The following KAT2A variants were observed in gnomAD, a reference collection of about 807,000 sequenced individuals.
The protein encoded by KAT2A is lysine acetyltransferase 2A, also known as histone acetyltransferase KAT2A.
KAT2A carries 42 observed loss-of-function variants against 95.2 expected under a neutral mutation model. The observed-to-expected ratio is 0.44, with a 90% CI of 0.34 to 0.57. The LOEUF is 0.57. Ranked by LOEUF, KAT2A falls within the 20% of genes least tolerant of loss-of-function variation. The pLI is 0.01. For missense variants in KAT2A, 784 were observed against 1,126.3 expected (o/e 0.70, Z 4.35); for synonymous variants, 449 against 448.2 (o/e 1.00, Z -0.02).
intron 6 of KAT2A, among the ~76,000 whole-genome samples, chr17:42,118,859 G>C (rs2054297647): frequency 1.3e-5 from 2 of 152,194 alleles, no homozygotes; most frequent in Non-Finnish European, 2.9e-5. Context: ...AGGTGTGGCC[G>C]AACAGAAGAA....
Position 42,114,505 on chromosome 17 carries a change from T to C in KAT2A, c.2119A>G (p.Ser707Gly). ...CCCTGCTTACGAATGCCAGGAACGCTCTCCACAGGGATCTGCCTCACGCCC... is the reference window on the plus strand; with the variant it reads ...CCCTGCTTACGAATGCCAGGAACGCCCTCCACAGGGATCTGCCTCACGCCC... ...KEGVRQIPVE[S>G]VPGIRETGWK... The change falls in exon 14 of 18, where the codon AGC (serine) becomes GGC (glycine). Residue 707 changes from serine to glycine, a missense_variant. Ser to Gly is a moderately conservative substitution (Grantham distance 56, BLOSUM62 0). Around this residue, in one of 6 missense-constraint regions of KAT2A, gnomAD observed 195 missense variants for 247.1 expected, o/e 0.79. Coordinates refer to ENST00000225916, the MANE Select transcript of KAT2A (RefSeq NM_021078.3). The surrounding 1 kb of genome is among the most constrained non-coding windows in gnomAD (Gnocchi z 6.0). 2 of 1,613,946 alleles carry C rather than the reference T, an allele frequency of 1.2e-6. No individual in the cohort carries two copies. The highest frequency in any genetic ancestry group is 1.7e-6 in the Non-Finnish European group (2 of 1,179,920).
intron 6 of KAT2A, among the ~76,000 whole-genome samples, chr17:42,118,819 G>T (rs2054297166): frequency 1.3e-5 from 2 of 152,212 alleles, no homozygotes; most frequent in African/African-American, 4.8e-5. Context: ...AGGGTTTTTT[G>T]AACAGGGGAG....
rs782599836 is a variant in KAT2A at position 42,120,963 on chromosome 17, C to A, written c.339+3G>T. 1 of 1,574,346 alleles carries A rather than the reference C, an allele frequency of 6.4e-7. No individual in the cohort carries two copies. Among genetic ancestry groups the A allele is most frequent in the Admixed American group, 1.8e-5 (1 of 55,160 alleles). ...GCCCCTTCACCCCAGGCCCCGCCCC[C>A]ACCTTGCAAGCCGAGAAGACCCCTA... On this transcript the variant is annotated splice_donor_region_variant and intron_variant, in intron 1 of 17. Transcript: ENST00000225916.
intron 7 of KAT2A, 64 bp from the exon 8 acceptor site, chr17:42,118,081 G>A: frequency 1.8e-6 from 2 of 1,115,402 alleles, no homozygotes; most frequent in Middle Eastern, 2.1e-4. Context: ...AGAGAAGTCA[G>A]GGACGGGGGC....
intron 11 of KAT2A, among the ~76,000 whole-genome samples, chr17:42,116,328 T>C: frequency 6.6e-6 from 1 of 152,158 alleles, no homozygotes; most frequent in East Asian, 1.9e-4. Context: ...ACCACACAGA[T>C]CTGAGGTATG....
In KAT2A at chr17:42,121,329, C is replaced by T. The variant is rs1555667390; in HGVS notation, c.-25G>A. The T allele has an allele frequency of 2.2e-6, 3 of 1,363,880 alleles. No individual in the cohort carries two copies. The highest frequency in any genetic ancestry group is 2.8e-6 in the Non-Finnish European group (3 of 1,065,798). The allele number at this position is 1,363,880 out of a possible 1,614,324, so 84.5% of individuals were successfully genotyped here. A position where few individuals can be genotyped will look rare whatever the true frequency, so the allele number is the denominator to read the frequency against. On this transcript the variant is annotated 5_prime_UTR_variant, in exon 1 of 18. Coordinates refer to ENST00000225916, the MANE Select transcript of KAT2A (RefSeq NM_021078.3). ...TGGCCTCCCCCGCAGCGGAGAGCGG[C>T]GCCGCGCTCCCAGCCCTAGGGCCGC...
Position 42,119,697 on chromosome 17 carries a change from A to G in KAT2A, c.721T>C (p.Tyr241His), listed in dbSNP as rs1276834682. Residue 241 changes from tyrosine to histidine, a missense_variant, in exon 5 of 18, where the codon TAC becomes CAC. Coordinates refer to ENST00000225916, the MANE Select transcript of KAT2A (RefSeq NM_021078.3). The surrounding 1 kb of genome is among the most constrained non-coding windows in gnomAD (Gnocchi z 5.3). ...IEQGVLNFVQYKFSHLAPRER... is the reference protein window; with the variant it reads ...IEQGVLNFVQHKFSHLAPRER... ...CGGGGAGCCAGGTGACTAAACTTGT[A>G]CTGCACAAAGTTCAGCACACCCTGA... 1 of 1,610,052 alleles carries G rather than the reference A, an allele frequency of 6.2e-7. No homozygotes were observed.
rs782029955 is a variant in KAT2A at position 42,118,061 on chromosome 17, GGAGA to G, written c.1181-48_1181-45del. ...GTCAGGGATGGGGGGCTGAAGCTGA[GGAGA>G]GAGAGAGAGAAGTCAGGGACGGGGG... On this transcript the variant is annotated intron_variant, in intron 7 of 17. Transcript: ENST00000225916. 3.6e-5 allele frequency: 48 copies of G among 1,342,012 alleles called. No homozygotes were observed. In the African/African-American group the frequency reaches 5.2e-4, roughly 15 times the overall value. The allele number at this position is 1,342,012 out of a possible 1,614,324, so 83.1% of individuals were successfully genotyped here.
chr17:42,120,514 C>G, intron 2 of KAT2A, 144 bp from the exon 3 acceptor site: 2 of 1,234,548 alleles, frequency 1.6e-6, no homozygotes, highest in Non-Finnish European at 2.3e-6. Flanking sequence ...CGATATCAAC[C>G]GTTGGGTTGC....
In KAT2A at chr17:42,115,837, C is replaced by G; in HGVS notation, c.1765-4G>C. ...TCATCAGGTGGGTCCCATAACCCTG[C>G]GGGGGAGGGAAGCAGGACTCACCAG... On this transcript the variant is annotated splice_polypyrimidine_tract_variant and splice_region_variant and intron_variant, in intron 11 of 17. Transcript: ENST00000225916. 6.4e-7 allele frequency: 1 copy of G among 1,571,890 alleles called. No individual in the cohort carries two copies. The highest frequency in any genetic ancestry group is 8.8e-7 in the Non-Finnish European group (1 of 1,141,736).
chr17:42,116,441 G>GGC (rs1459067243), intron 11 of KAT2A, among the ~76,000 whole-genome samples: 5 of 152,228 alleles, frequency 3.3e-5, no homozygotes, highest in Non-Finnish European at 4.4e-5. Flanking sequence ...AGTTTGGCTG[G>GGC]GCGCGGTGGC....
At chr17:42,116,854 GGT>G (rs1192853128) in intron 11 of KAT2A, among the ~76,000 whole-genome samples, 179 bp downstream of exon 11, 1 of 152,246 alleles carries the variant, frequency 6.6e-6, no homozygotes, top group African/African-American at 2.4e-5. Context: ...TCTGTCAACA[GGT>G]GGTTTCCTAA....
rs557509250 is a variant in KAT2A at position 42,115,295 on chromosome 17, G to A, written c.1876-260C>T. On this transcript the variant is annotated intron_variant, in intron 12 of 17. Coordinates refer to ENST00000225916, the MANE Select transcript of KAT2A (RefSeq NM_021078.3). ...CCCAGTTCCTCTAGCCTCCTCTACT[G>A]GCCCCCCAGTTCCTCCAGCCTCCTC... is the stretch of plus-strand genomic sequence containing the variant. Among the ~76,000 whole-genome samples the A allele has an allele frequency of 3.2e-3, 289 of 91,516 alleles. 5 individuals are homozygous for A. The highest frequency in any genetic ancestry group is 0.013 in the African/African-American group (279 of 21,220). 60.0% of individuals were successfully genotyped at this position (91,516 alleles called of 152,430 possible). A position where few individuals can be genotyped will look rare whatever the true frequency, so the allele number is the denominator to read the frequency against.
chr17:42,121,296 T>C lies in KAT2A; in HGVS notation c.9A>G (p.Glu3=), dbSNP rs1555667373. 1 of 1,373,856 alleles carries C rather than the reference T, an allele frequency of 7.3e-7. No individual in the cohort carries two copies. Among genetic ancestry groups the C allele is most frequent in the Non-Finnish European group, 9.3e-7 (1 of 1,071,356 alleles). 85.1% of individuals were successfully genotyped at this position (1,373,856 alleles called of 1,614,324 possible). MA[E]PSQAPTPAPA... ...GGGCCGGGGTCGGGGCCTGGGAAGG[T>C]TCCGCCATGGCCTCCCCCGCAGCGG... Residue 3 remains glutamate, a synonymous_variant, in exon 1 of 18, where the codon GAA becomes GAG. Transcript: ENST00000225916.
At position 42,117,766 on chromosome 17, in the gene KAT2A, C is replaced by T. The variant is rs782074443; in HGVS notation, c.1340G>A (p.Arg447Gln). 3.7e-6 allele frequency: 6 copies of T among 1,613,890 alleles called. No homozygotes were observed. Among genetic ancestry groups the T allele is most frequent in the African/African-American group, 2.7e-5 (2 of 74,932 alleles). Residue 447 changes from arginine to glutamine, a missense_variant, in exon 9 of 18, where the codon CGG (arginine) becomes CAG (glutamine). Arg to Gln is a conservative substitution (Grantham distance 43). This residue lies in a region of KAT2A where 174 missense variants were observed against 324.9 expected (regional missense o/e 0.54). Transcript: ENST00000225916. This position sits in a 1 kb window ranked among gnomAD's most constrained non-coding sequence, Gnocchi z 8.9. ...GGGGATGTCACCCATCACACGGAGC[C>T]GCTTGGCATCCTCCAGGGTCAGGTT... ...PENLTLEDAKRLRVMGDIPME... is the reference protein window; with the variant it reads ...PENLTLEDAKQLRVMGDIPME...
In KAT2A at chr17:42,117,319, A is replaced by G; in HGVS notation, c.1637+69T>C. ...GAGCAGGGGATCCCCAATTTTGAGGAGTGAAGAGGCCGAGGAGGAAGGGAA... is the reference window on the plus strand; with the variant it reads ...GAGCAGGGGATCCCCAATTTTGAGGGGTGAAGAGGCCGAGGAGGAAGGGAA... On this transcript the variant is annotated intron_variant, in intron 10 of 17. Transcript: ENST00000225916. This position sits in a 1 kb window ranked among gnomAD's most constrained non-coding sequence, Gnocchi z 8.9. The G allele has an allele frequency of 6.4e-7, 1 of 1,570,690 alleles. No homozygotes were observed. The highest frequency in any genetic ancestry group is 8.7e-7 in the Non-Finnish European group (1 of 1,145,528).
intron 12 of KAT2A, 36 bp downstream of exon 12, chr17:42,115,687 G>A (rs2054247672): frequency 7.4e-6 from 10 of 1,349,054 alleles, no homozygotes; most frequent in Non-Finnish European, 1.1e-5. Context: ...CCAGCCTCCA[G>A]GCAAAGGACC....
chr17:42,114,155 C>T lies in KAT2A; in HGVS notation c.2235+64G>A. ...CAGCCCGAGACCACTACCCACCCCA[C>T]ACTGCATCAAGAGGCCACAGCCATT... On this transcript the variant is annotated intron_variant, in intron 16 of 17. Coordinates refer to ENST00000225916, the MANE Select transcript of KAT2A (RefSeq NM_021078.3). The surrounding 1 kb of genome is among the most constrained non-coding windows in gnomAD (Gnocchi z 6.0). 3 of 1,577,474 alleles carry T rather than the reference C, an allele frequency of 1.9e-6. No homozygotes were observed. The highest frequency in any genetic ancestry group is 2.6e-6 in the Non-Finnish European group (3 of 1,163,388).
At chr17:42,118,500 T>C (rs1398734635) in intron 6 of KAT2A, 97 bp from the exon 7 acceptor site, 11 of 824,328 alleles carry the variant, frequency 1.3e-5, no homozygotes, top group Non-Finnish European at 2.3e-5. Context: ...AGACAGACCC[T>C]GCTCTTAGGG....
Sources: gnomAD v4.1 joint callset for allele counts (sites outside exome capture counted in the v4.1 genomes callset) on GRCh38, gnomAD v4.1.1 for gene constraint, gnomAD v4.1.1 regional missense constraint, Gnocchi (gnomAD v3.1) non-coding constraint, MANE v1.5 for transcripts, NCBI Gene and HGNC (gene_info 2026-07-23, HGNC 2026-07-21) for gene names.